The following ARSG variants were observed in gnomAD, a reference collection of about 807,000 sequenced individuals.
ARSG encodes the protein arylsulfatase G.
ARSG carries 37 observed loss-of-function variants against 50.5 expected under a neutral mutation model. The observed-to-expected ratio is 0.73, with a 90% CI of 0.56 to 0.96. The LOEUF (loss-of-function observed/expected upper bound fraction) is 0.96, where lower values mean the gene tolerates loss of function less well. Ranked by LOEUF, ARSG falls within the 50% of genes least tolerant of loss-of-function variation. The pLI is 0.00. For synonymous variants in ARSG, 225 were observed against 254.6 expected (o/e 0.88, Z 1.11); for missense variants, 629 against 675.3 (o/e 0.93, Z 0.76).
At chr17:68,305,979 G>A (rs1320377392) in intron 1 of ARSG, among the ~76,000 whole-genome samples, 1 of 151,932 alleles carries the variant, frequency 6.6e-6, no homozygotes, top group East Asian at 1.9e-4. Flanking sequence ...AGGAGGCTGA[G>A]GCATGAGAAT....
chr17:68,340,648 T>C (rs1269589139), intron 2 of ARSG, among the ~76,000 whole-genome samples: 1 of 152,186 alleles, frequency 6.6e-6, no homozygotes, highest in African/African-American at 2.4e-5. Flanking sequence ...CGAAGTTGAC[T>C]CTTGGGTCTT....
chr17:68,343,794 A>G lies in ARSG; in HGVS notation c.406+3A>G, dbSNP rs768683737. 5 of 1,605,646 alleles carry G rather than the reference A, an allele frequency of 3.1e-6. No homozygotes were observed. The highest frequency in any genetic ancestry group is 4.3e-6 in the Non-Finnish European group (5 of 1,173,848). On this transcript the variant is annotated splice_donor_region_variant and intron_variant, in intron 3 of 11. Coordinates refer to ENST00000621439, the MANE Select transcript of ARSG (RefSeq NM_001267727.2). ...GGGTTACGTCACTGGGATAATAGGTAACTCTGGGCCCCGTCTGCCTGTTGC... is the reference window on the plus strand; with the variant it reads ...GGGTTACGTCACTGGGATAATAGGTGACTCTGGGCCCCGTCTGCCTGTTGC...
chr17:68,269,967 C>T (rs1350881884), intron 1 of ARSG, among the ~76,000 whole-genome samples: 1 of 152,096 alleles, frequency 6.6e-6, no homozygotes, highest in Non-Finnish European at 1.5e-5. Context: ...GCCACTGCGC[C>T]CGGCCCGTTT....
the ARSG span, chr17:68,428,371 G>GGTTGT: frequency 5.8e-6 from 1 of 171,216 alleles, no homozygotes; most frequent in East Asian, 1.7e-4. Context: ...TGGGACTACA[G>GGTTGT]GTGTGTGCCA....
intron 2 of ARSG, among the ~76,000 whole-genome samples, chr17:68,313,984 A>G (rs550840588): frequency 3.9e-5 from 6 of 152,120 alleles, no homozygotes; most frequent in East Asian, 1.9e-4. Context: ...TGGCCTACAT[A>G]TCTCTTTTTA....
At chr17:68,366,084 C>T (rs1375582530) in intron 6 of ARSG, among the ~76,000 whole-genome samples, 1 of 151,850 alleles carries the variant, frequency 6.6e-6, no homozygotes, top group Non-Finnish European at 1.5e-5. Flanking sequence ...ATTACAGGCA[C>T]CTGCCACCAC....
intron 1 of ARSG, among the ~76,000 whole-genome samples, chr17:68,283,874 G>A (rs1392097247): frequency 1.3e-4 from 8 of 63,740 alleles, no homozygotes; most frequent in African/African-American, 2.1e-4. Context: ...GCAAAACTCC[G>A]TCTCAAAAAA....
chr17:68,293,468 A>C (rs2076092634), intron 1 of ARSG, among the ~76,000 whole-genome samples: 2 of 151,868 alleles, frequency 1.3e-5, no homozygotes, highest in African/African-American at 4.9e-5. Flanking sequence ...AGCAAGTGAA[A>C]CCTGGCTTTT....
intron 2 of ARSG, among the ~76,000 whole-genome samples, chr17:68,318,275 G>A (rs145176341): frequency 5.9e-5 from 9 of 152,314 alleles, no homozygotes; most frequent in East Asian, 1.9e-4. Flanking sequence ...CTGAGAGCTC[G>A]GTGAATAACC....
chr17:68,391,731 AC>A (rs2081001176), intron 9 of ARSG, among the ~76,000 whole-genome samples: 1 of 152,116 alleles, frequency 6.6e-6, no homozygotes, highest in Admixed American at 6.6e-5. Context: ...TGTGGCAGGA[AC>A]CTTGGACTCT....
At chr17:68,418,827 C>T (rs1260872273) in intron 11 of ARSG, among the ~76,000 whole-genome samples, 2 of 152,178 alleles carry the variant, frequency 1.3e-5, no homozygotes, top group African/African-American at 2.4e-5. Flanking sequence ...AGAAAAAGCT[C>T]TGCTTCTCCT....
chr17:68,337,597 A>G (rs1007415535), intron 2 of ARSG, among the ~76,000 whole-genome samples: 3 of 88,466 alleles, frequency 3.4e-5, no homozygotes, highest in African/African-American at 1.4e-4. Flanking sequence ...AGCTAAGCAG[A>G]AACGCTTCTA....
chr17:68,412,273 C>T (rs2082048309), intron 11 of ARSG, among the ~76,000 whole-genome samples: 1 of 152,124 alleles, frequency 6.6e-6, no homozygotes, highest in African/African-American at 2.4e-5. Context: ...TGTTCCTTTC[C>T]ATGTTTAGTG....
At chr17:68,282,169 C>A (rs2075714912) in intron 1 of ARSG, among the ~76,000 whole-genome samples, 1 of 151,996 alleles carries the variant, frequency 6.6e-6, no homozygotes, top group African/African-American at 2.4e-5. Context: ...TACTATGCAG[C>A]CATAAAAAAG....
chr17:68,330,822 G>A (rs2077697640), intron 2 of ARSG, among the ~76,000 whole-genome samples: 2 of 152,132 alleles, frequency 1.3e-5, no homozygotes, highest in South Asian at 4.1e-4. Flanking sequence ...CTAGCTTTAG[G>A]GGCACTGTGG....
chr17:68,420,053 G>A (rs1229144420), intron 11 of ARSG, 136 bp from the exon 12 acceptor site: 4 of 1,001,064 alleles, frequency 4.0e-6, no homozygotes, highest in Non-Finnish European at 5.9e-6. Context: ...ATATTTCTTT[G>A]ACAGAGAGAG....
rs1024508687 is a variant in ARSG, at chr17:68,399,709, T to C, written c.1213-1651T>C. ...GGTAACGCCACATAAATAGTGGGAA[T>C]ATAGCAGCCCACCCTCATGGAATTT... is the stretch of plus-strand genomic sequence containing the variant. On this transcript the variant is annotated intron_variant, in intron 10 of 11. Coordinates refer to ENST00000621439, the MANE Select transcript of ARSG (RefSeq NM_001267727.2). This position sits in a 1 kb window ranked among gnomAD's most constrained non-coding sequence, Gnocchi z 4.6. Among the ~76,000 whole-genome samples the C allele has an allele frequency of 1.3e-5, 2 of 152,206 alleles. No homozygotes were observed. Among genetic ancestry groups the C allele is most frequent in the Admixed American group, 1.3e-4 (2 of 15,282 alleles).
At position 68,379,421 on chromosome 17, in the gene ARSG, A is replaced by ATTTTTTTTTTTTTTTTTT. The variant is rs375841879; in HGVS notation, c.983-5631_983-5614dup. The stretch of plus-strand genomic sequence containing the variant: ...GTGCCACCATGCCTGGAACACTACA[A>ATTTTTTTTTTTTTTTTTT]TTTTTTTTTTTTTTTTTTTTTTTTT... On this transcript the variant is annotated intron_variant, in intron 8 of 11. Transcript: ENST00000621439. Among the ~76,000 whole-genome samples the ATTTTTTTTTTTTTTTTTT allele has an allele frequency of 6.9e-5, 5 of 72,268 alleles. 1 individual carries two copies. Among genetic ancestry groups the ATTTTTTTTTTTTTTTTTT allele is most frequent in the African/African-American group, 3.2e-4 (5 of 15,828 alleles). The allele number at this position is 72,268 out of a possible 152,430, so 47.4% of individuals were successfully genotyped here.
At chr17:68,429,066 C>G in the ARSG span, 8 of 656,522 alleles carry the variant, frequency 1.2e-5, no homozygotes, top group Non-Finnish European at 2.1e-5. Flanking sequence ...GCCCACTGAT[C>G]TGGTCTGGGC....
Sources: gnomAD v4.1 joint callset for allele counts (sites outside exome capture counted in the v4.1 genomes callset) on GRCh38, gnomAD v4.1.1 for gene constraint, Gnocchi (gnomAD v3.1) non-coding constraint, MANE v1.5 for transcripts, NCBI Gene and HGNC (gene_info 2026-07-23, HGNC 2026-07-21) for gene names.